Variants in VPS4B observed in about 807,000 individuals in gnomAD.
The protein encoded by VPS4B is vacuolar protein sorting-associated protein 4B.
A neutral mutation model predicts 56.1 loss-of-function variants in VPS4B; 23 were observed. The observed-to-expected ratio is 0.41, with a 90% CI of 0.30 to 0.58. The LOEUF (loss-of-function observed/expected upper bound fraction) is 0.58, where lower values mean the gene tolerates loss of function less well. Among genes scored for constraint, VPS4B ranks in the 20% least tolerant of loss-of-function variants. The pLI, the probability that VPS4B is intolerant of heterozygous loss-of-function variation, is 0.29. For synonymous variants in VPS4B, 177 were observed against 186.0 expected (o/e 0.95, Z 0.39); for missense variants, 372 against 531.9 (o/e 0.70, Z 2.96).
intron 5 of VPS4B, 125 bp downstream of exon 5, chr18:63,403,582 C>A: frequency 9.4e-7 from 1 of 1,058,334 alleles, no homozygotes. Context: ...AGATATATCA[C>A]CACCTTTTAA....
chr18:63,390,031 T>C lies in VPS4B; in HGVS notation c.*944A>G, dbSNP rs1915508207. 6.6e-6 allele frequency: 1 copy of C among 152,646 alleles called. No individual in the cohort carries two copies. Among genetic ancestry groups the C allele is most frequent in the South Asian group, 2.1e-4 (1 of 4,836 alleles). 9.5% of individuals were successfully genotyped at this position (152,646 alleles called of 1,614,324 possible). On this transcript the variant is annotated 3_prime_UTR_variant, in exon 11 of 11. Transcript: ENST00000238497. The stretch of plus-strand genomic sequence containing the variant: ...GTGAAAGGTATCAGTTAATTAAATA[T>C]AAAAGCTTACCGTTTTTGTTTTTTT...
chr18:63,397,879 G>A (rs1350041260), intron 8 of VPS4B, among the ~76,000 whole-genome samples: 1 of 152,130 alleles, frequency 6.6e-6, no homozygotes, highest in East Asian at 1.9e-4. Context: ...AGAATTTAAA[G>A]TTTCCGTTGC....
At chr18:63,421,165 A>G (rs924219692) in intron 1 of VPS4B, among the ~76,000 whole-genome samples, 1 of 152,196 alleles carries the variant, frequency 6.6e-6, no homozygotes, top group African/African-American at 2.4e-5. Context: ...GATAACAATT[A>G]TTTTAATAAT....
intron 1 of VPS4B, among the ~76,000 whole-genome samples, chr18:63,413,777 G>A (rs1395594207): frequency 1.3e-5 from 2 of 152,184 alleles, no homozygotes; most frequent in East Asian, 3.9e-4. Flanking sequence ...TACATTTTGG[G>A]GCAGTTGAGC....
Position 63,400,561 on chromosome 18 carries a change from T to C in VPS4B, c.627A>G (p.Leu209=). 1 of 1,607,104 alleles carries C rather than the reference T, an allele frequency of 6.2e-7. No individual in the cohort carries two copies. Among genetic ancestry groups the C allele is most frequent in the Non-Finnish European group, 8.5e-7 (1 of 1,178,582 alleles). ...ISSSDLVSKW[L]GESEKLVKNL... is the part of the protein sequence containing the mutation. ...TTACTACTTACTTTTCACTTTCACC[T>C]AGCCACTTAGAAACAAGATCAGAGG... The change falls in exon 6 of 11, where the codon CTA becomes CTG. Residue 209 remains leucine (L), a synonymous_variant. Transcript: ENST00000238497.
chr18:63,401,263 A>AT (rs1486102467), intron 5 of VPS4B, among the ~76,000 whole-genome samples: 8 of 151,402 alleles, frequency 5.3e-5, no homozygotes, highest in Non-Finnish European at 1.0e-4. Context: ...CTTTTATTTT[A>AT]TTTTTTTTGA....
intron 4 of VPS4B, among the ~76,000 whole-genome samples, chr18:63,406,459 C>A (rs2144426317): frequency 6.6e-6 from 1 of 152,284 alleles, no homozygotes; most frequent in Non-Finnish European, 1.5e-5. Context: ...ATTCAGTAAC[C>A]AAGGCTGAAC....
intron 4 of VPS4B, among the ~76,000 whole-genome samples, chr18:63,407,165 CAAAA>C (rs1040389532): frequency 2.0e-5 from 3 of 152,042 alleles, no homozygotes; most frequent in African/African-American, 7.2e-5. Flanking sequence ...GGCAAATAAA[CAAAA>C]AGAAAGAGCA....
chr18:63,402,622 T>C (rs192661740), intron 5 of VPS4B, among the ~76,000 whole-genome samples: 2 of 152,326 alleles, frequency 1.3e-5, no homozygotes, highest in African/African-American at 4.8e-5. Flanking sequence ...ATGGTACACA[T>C]ACATGGAAAA....
At position 63,389,696 on chromosome 18, in the gene VPS4B, G is replaced by A. The variant is rs1915500265; in HGVS notation, c.*1279C>T. ...TACACTGATAACATATGTGTGGTCAGGACAAACTGTTCCCTGAACTTAAAA... is the reference window on the plus strand; with the variant it reads ...TACACTGATAACATATGTGTGGTCAAGACAAACTGTTCCCTGAACTTAAAA... On this transcript the variant is annotated 3_prime_UTR_variant, in exon 11 of 11. Transcript: ENST00000238497. 6.6e-6 allele frequency: 1 copy of A among 152,472 alleles called. No individual in the cohort carries two copies. Among genetic ancestry groups the A allele is most frequent in the African/African-American group, 2.4e-5 (1 of 41,384 alleles). The allele number at this position is 152,472 out of a possible 1,614,324, so 9.4% of individuals were successfully genotyped here. A position where few individuals can be genotyped will look rare whatever the true frequency, so the allele number is the denominator to read the frequency against.
chr18:63,407,734 T>C (rs141401575), intron 3 of VPS4B, among the ~76,000 whole-genome samples: 296 of 152,292 alleles, frequency 1.9e-3, no homozygotes, highest in African/African-American at 6.5e-3. Flanking sequence ...AGTCAGGAAC[T>C]AGCTCCAAAT....
intron 10 of VPS4B, 27 bp from the exon 11 acceptor site, chr18:63,391,103 G>C: frequency 6.9e-7 from 1 of 1,443,112 alleles, no homozygotes; most frequent in Non-Finnish European, 9.7e-7. Flanking sequence ...AGGGTAGGGA[G>C]GATATTAATA....
At chr18:63,399,091 C>A in intron 8 of VPS4B, 151 bp downstream of exon 8, 1 of 591,032 alleles carries the variant, frequency 1.7e-6, no homozygotes. Flanking sequence ...GACCACCCTT[C>A]TCCCACTCAA....
At chr18:63,411,661 TTTTTTTTTAAAGC>T in intron 1 of VPS4B, 83 bp from the exon 2 acceptor site, 1 of 1,066,878 alleles carries the variant, frequency 9.4e-7, no homozygotes, top group Non-Finnish European at 1.2e-6. Context: ...GAAAGTTTTT[TTTTTTTTTAAAGC>T]TTCTCAGCTT....
chr18:63,405,382 A>G (rs982089321), intron 4 of VPS4B, among the ~76,000 whole-genome samples: 1 of 152,200 alleles, frequency 6.6e-6, no homozygotes, highest in African/African-American at 2.4e-5. Context: ...AATCTAAAAC[A>G]GAAGTAAAAG....
intron 8 of VPS4B, among the ~76,000 whole-genome samples, chr18:63,398,819 G>A (rs1473206137): frequency 1.3e-5 from 2 of 148,720 alleles, no homozygotes; most frequent in Non-Finnish European, 3.0e-5. Flanking sequence ...TGGCAACAGA[G>A]TGAGACTCCG....
intron 1 of VPS4B, among the ~76,000 whole-genome samples, chr18:63,414,694 C>T (rs1302120727): frequency 3.3e-5 from 5 of 152,196 alleles, no homozygotes; most frequent in Admixed American, 3.3e-4. Context: ...CTCAGCCTCC[C>T]AAAGTGCTGG....
chr18:63,396,662 A>G (rs1474325339), intron 9 of VPS4B: 1 of 221,678 alleles, frequency 4.5e-6, no homozygotes, highest in African/African-American at 2.3e-5. Context: ...ATCCTCCCAA[A>G]TTCTTTGAAG....
chr18:63,408,006 A>G lies in VPS4B; in HGVS notation c.297-507T>C, dbSNP rs563755437. Among the ~76,000 whole-genome samples, 6 of 152,344 alleles carry G rather than the reference A, an allele frequency of 3.9e-5. No homozygotes were observed. In the East Asian group the frequency reaches 1.2e-3, roughly 29 times the overall value. On this transcript the variant is annotated intron_variant, in intron 3 of 10. Transcript: ENST00000238497. ...TGATGACAATGAACTACACCCAAAG[A>G]ACAAGTAGGTCGATCAAGGCATTTC...
Sources: allele counts gnomAD v4.1 joint callset (sites outside exome capture counted in the v4.1 genomes callset), GRCh38; gene constraint gnomAD v4.1.1; transcripts MANE v1.5; gene names NCBI Gene and HGNC (gene_info 2026-07-23, HGNC 2026-07-21).